Variants in NDUFAF2 observed in about 807,000 individuals in gnomAD.
NDUFAF2 encodes NADH:ubiquinone oxidoreductase complex assembly factor 2, also known as NADH dehydrogenase [ubiquinone] 1 alpha subcomplex assembly factor 2.
NDUFAF2 carries 13 observed loss-of-function variants against 22.8 expected under a neutral mutation model. That is an observed-to-expected ratio of 0.57 (90% confidence interval 0.37 to 0.91). The LOEUF (loss-of-function observed/expected upper bound fraction) is 0.91, where lower values mean the gene tolerates loss of function less well. Ranked by LOEUF, NDUFAF2 falls within the 40% of genes least tolerant of loss-of-function variation. NDUFAF2 has a pLI of 0.01. For synonymous variants in NDUFAF2, 53 were observed against 64.2 expected (o/e 0.83, Z 0.84); for missense variants, 162 against 195.2 (o/e 0.83, Z 1.01).
chr5:60,977,129 TA>T (rs1436918474), intron 1 of NDUFAF2, among the ~76,000 whole-genome samples: 1 of 152,012 alleles, frequency 6.6e-6, no homozygotes. Context: ...ATAGGTGTTA[TA>T]AAAATTGAAA....
chr5:60,952,596 C>A (rs1750562946), intron 1 of NDUFAF2, among the ~76,000 whole-genome samples: 1 of 151,810 alleles, frequency 6.6e-6, no homozygotes, highest in South Asian at 2.1e-4. Context: ...TGTTTTATGG[C>A]CTAGAGTATG....
At chr5:61,121,260 A>G (rs371046495) in intron 3 of NDUFAF2, among the ~76,000 whole-genome samples, 3 of 152,124 alleles carry the variant, frequency 2.0e-5, no homozygotes, top group Non-Finnish European at 4.4e-5. Flanking sequence ...AATGTACTCA[A>G]TTTCCTTCTC....
intron 2 of NDUFAF2, among the ~76,000 whole-genome samples, chr5:61,077,665 C>G (rs569098950): frequency 4.2e-4 from 64 of 152,116 alleles, no homozygotes; most frequent in African/African-American, 1.5e-3. Context: ...TGGGAAAGAT[C>G]CAGTCAGAAA....
intron 1 of NDUFAF2, among the ~76,000 whole-genome samples, chr5:61,026,837 C>A (rs1165275783): frequency 6.6e-6 from 1 of 151,632 alleles, no homozygotes; most frequent in African/African-American, 2.4e-5. Context: ...TTGTTTAATG[C>A]ATATCTTGTG....
chr5:61,068,083 T>G (rs1275896113), intron 1 of NDUFAF2, among the ~76,000 whole-genome samples: 1 of 152,170 alleles, frequency 6.6e-6, no homozygotes, highest in Non-Finnish European at 1.5e-5. Flanking sequence ...AAAATATCAC[T>G]AATAAATCCA....
At chr5:60,957,650 C>A (rs1212695812) in intron 1 of NDUFAF2, among the ~76,000 whole-genome samples, 1 of 152,058 alleles carries the variant, frequency 6.6e-6, no homozygotes, top group Non-Finnish European at 1.5e-5. Context: ...CAGACAGACC[C>A]CAGTGAATAT....
At chr5:61,072,120 C>T (rs1323501235) in intron 1 of NDUFAF2, among the ~76,000 whole-genome samples, 2 of 152,138 alleles carry the variant, frequency 1.3e-5, no homozygotes, top group Non-Finnish European at 2.9e-5. Context: ...ATCTGAAGAA[C>T]CATAGACTTT....
At chr5:61,076,553 G>A (rs1329253849) in intron 2 of NDUFAF2, among the ~76,000 whole-genome samples, 2 of 152,204 alleles carry the variant, frequency 1.3e-5, no homozygotes, top group African/African-American at 4.8e-5. Flanking sequence ...CAGTGTGATT[G>A]GGATAGAATG....
intron 1 of NDUFAF2, among the ~76,000 whole-genome samples, chr5:61,006,609 T>G (rs1366045388): frequency 6.6e-6 from 1 of 152,176 alleles, no homozygotes; most frequent in African/African-American, 2.4e-5. Context: ...GTATCCTCTT[T>G]TATTTCATTG....
At chr5:61,017,782 C>T (rs1316341850) in intron 1 of NDUFAF2, among the ~76,000 whole-genome samples, 1 of 151,942 alleles carries the variant, frequency 6.6e-6, no homozygotes, top group African/African-American at 2.4e-5. Flanking sequence ...TGGAGTCTCA[C>T]TCTGTTGCCC....
intron 1 of NDUFAF2, among the ~76,000 whole-genome samples, chr5:60,964,939 C>CTGA (rs1243900641): frequency 6.6e-6 from 1 of 152,122 alleles, no homozygotes; most frequent in African/African-American, 2.4e-5. Flanking sequence ...TGACCTTCAT[C>CTGA]AACTAAATCC....
chr5:61,022,604 T>C (rs1426736958), intron 1 of NDUFAF2, among the ~76,000 whole-genome samples: 1 of 152,168 alleles, frequency 6.6e-6, no homozygotes, highest in African/African-American at 2.4e-5. Flanking sequence ...TTAAGATCCT[T>C]TCTTTGCCAT....
At chr5:61,026,314 T>G (rs1445686922) in intron 1 of NDUFAF2, among the ~76,000 whole-genome samples, 1 of 151,986 alleles carries the variant, frequency 6.6e-6, no homozygotes, top group Non-Finnish European at 1.5e-5. Context: ...AGTCACAAAT[T>G]ACTGGTAATA....
chr5:61,139,568 A>G lies in NDUFAF2; in HGVS notation c.259-13136A>G, dbSNP rs369835140. Among the ~76,000 whole-genome samples, 9 of 152,356 alleles carry G rather than the reference A, an allele frequency of 5.9e-5. No homozygotes were observed. The South Asian group carries it at 1.9e-3, about 32-fold the overall frequency. ...ATTTTACAGACAACTTAAATTTGGT[A>G]TGTTTAAAGCAGAACTCTTTTTCTG... is the stretch of plus-strand genomic sequence containing the variant. On this transcript the variant is annotated intron_variant, in intron 3 of 3. Coordinates refer to ENST00000296597, the MANE Select transcript of NDUFAF2 (RefSeq NM_174889.5).
At chr5:61,084,950 T>C (rs566675596) in intron 2 of NDUFAF2, among the ~76,000 whole-genome samples, 50 of 152,274 alleles carry the variant, frequency 3.3e-4, no homozygotes, top group African/African-American at 1.1e-3. Flanking sequence ...CACTGAGCAA[T>C]TGTAAAATGC....
chr5:61,064,992 TCAAAC>T (rs1235869898), intron 1 of NDUFAF2, among the ~76,000 whole-genome samples: 1 of 151,252 alleles, frequency 6.6e-6, no homozygotes, highest in Non-Finnish European at 1.5e-5. Context: ...AAAAAAAAAT[TCAAAC>T]AAAATAAAAA....
At chr5:61,093,146 A>C (rs2111758572) in intron 2 of NDUFAF2, among the ~76,000 whole-genome samples, 1 of 152,330 alleles carries the variant, frequency 6.6e-6, no homozygotes, top group East Asian at 1.9e-4. Context: ...AAGTCTGCTC[A>C]TTCCGCTTTC....
At chr5:61,085,555 A>T (rs1752495971) in intron 2 of NDUFAF2, among the ~76,000 whole-genome samples, 1 of 152,210 alleles carries the variant, frequency 6.6e-6, no homozygotes, top group East Asian at 1.9e-4. Flanking sequence ...TCAATGCAAT[A>T]AAGCAATAAA....
chr5:61,043,699 GTGTA>G (rs1554081013), intron 1 of NDUFAF2, among the ~76,000 whole-genome samples: 8 of 148,658 alleles, frequency 5.4e-5, no homozygotes, highest in East Asian at 1.9e-4. Flanking sequence ...GTGTGTGTGT[GTGTA>G]TGTGTGTGTG....
Sources: allele counts gnomAD v4.1 joint callset (sites outside exome capture counted in the v4.1 genomes callset), GRCh38; gene constraint gnomAD v4.1.1; transcripts MANE v1.5; gene names NCBI Gene and HGNC (gene_info 2026-07-23, HGNC 2026-07-21).